The following PACS1 variants were observed in gnomAD, a reference collection of about 807,000 sequenced individuals.
PACS1 encodes the protein PACS-1.
A neutral mutation model predicts 115.0 loss-of-function variants in PACS1; 24 were observed. The ratio of observed to expected loss-of-function variants is 0.21; its 90% CI spans 0.15 to 0.29. The LOEUF is 0.29. PACS1 is among the 10% of genes least tolerant of loss of function. The pLI, the probability that PACS1 is intolerant of heterozygous loss-of-function variation, is 1.00. For synonymous variants in PACS1, 453 were observed against 504.5 expected (o/e 0.90, Z 1.37); for missense variants, 838 against 1,251.2 (o/e 0.67, Z 4.98).
chr11:66,100,952 C>G, intron 1 of PACS1: 1 of 455,922 alleles, frequency 2.2e-6, no homozygotes, highest in South Asian at 1.5e-5. Flanking sequence ...CTGTCCTCCT[C>G]CAGCGTGGAG....
At chr11:66,204,284 G>A (rs1230985351) in intron 2 of PACS1, among the ~76,000 whole-genome samples, 1 of 152,220 alleles carries the variant, frequency 6.6e-6, no homozygotes, top group Non-Finnish European at 1.5e-5. Flanking sequence ...ACAGGCATAT[G>A]AAAGGGTATG....
chr11:66,199,276 C>T (rs576999123), intron 2 of PACS1, among the ~76,000 whole-genome samples: 1 of 150,016 alleles, frequency 6.7e-6, no homozygotes, highest in East Asian at 2.0e-4. Flanking sequence ...GATCGCACCA[C>T]TGCACTCCAG....
chr11:66,187,198 A>AATTTTTATTTAATTTATTTT (rs1350539460), intron 1 of PACS1, among the ~76,000 whole-genome samples: 1 of 152,128 alleles, frequency 6.6e-6, no homozygotes, highest in Non-Finnish European at 1.5e-5. Flanking sequence ...TTAATTTTAA[A>AATTTTTATTTAATTTATTTT]ATTGACCGAT....
chr11:66,073,166 CAT>C (rs991527900), intron 1 of PACS1, among the ~76,000 whole-genome samples: 4 of 152,346 alleles, frequency 2.6e-5, no homozygotes, highest in Non-Finnish European at 5.9e-5. Flanking sequence ...TTGTGGAACA[CAT>C]GTGCTCTTTG....
At chr11:66,221,563 T>G in intron 10 of PACS1, 1 of 242,404 alleles carries the variant, frequency 4.1e-6, no homozygotes, top group Non-Finnish European at 8.1e-6. Flanking sequence ...GGAGAATCAC[T>G]TGAAGCCGGG....
intron 1 of PACS1, among the ~76,000 whole-genome samples, chr11:66,108,628 G>A (rs1324749986): frequency 2.6e-5 from 4 of 152,100 alleles, no homozygotes; most frequent in Non-Finnish European, 5.9e-5. Flanking sequence ...AACCAGACAG[G>A]GTGGTATGTA....
At chr11:66,107,407 G>A (rs1858074757) in intron 1 of PACS1, among the ~76,000 whole-genome samples, 1 of 152,046 alleles carries the variant, frequency 6.6e-6, no homozygotes, top group Admixed American at 6.6e-5. Context: ...CTTGTCAACT[G>A]CTAACACACT....
chr11:66,143,501 G>A lies in PACS1; in HGVS notation c.357-49985G>A, dbSNP rs371247648. 3.3e-5 allele frequency among the ~76,000 whole-genome samples: 5 copies of A among 152,250 alleles called. No individual in the cohort carries two copies. The South Asian group carries it at 6.2e-4, about 19-fold the overall frequency. ...CTGAGTCCTTGTTAGTATTGTTACCGCACTTCCCATTCGCATCTGCCTGTC... is the reference window on the plus strand; with the variant it reads ...CTGAGTCCTTGTTAGTATTGTTACCACACTTCCCATTCGCATCTGCCTGTC... On this transcript the variant is annotated intron_variant, in intron 1 of 23. Transcript: ENST00000320580.
chr11:66,185,506 C>T (rs1590804328), intron 1 of PACS1, among the ~76,000 whole-genome samples: 5 of 152,302 alleles, frequency 3.3e-5, no homozygotes, highest in Admixed American at 3.3e-4. Flanking sequence ...TTTGAAATCC[C>T]TTTAAGTAGG....
intron 1 of PACS1, among the ~76,000 whole-genome samples, chr11:66,104,397 A>G (rs1341340806): frequency 6.6e-6 from 1 of 152,228 alleles, no homozygotes; most frequent in Non-Finnish European, 1.5e-5. Flanking sequence ...TTGACAAACC[A>G]TGGTTTGTAG....
chr11:66,217,465 T>C (rs751176238), intron 7 of PACS1: 1 of 437,450 alleles, frequency 2.3e-6, no homozygotes, highest in Non-Finnish European at 4.7e-6. Flanking sequence ...GAAGGGGAAT[T>C]CACAGCTCCA....
rs1183196719 is a variant in PACS1, at chr11:66,243,273, C to T, written c.2885C>T (p.Ala962Val). ...FPVGLFSGSK[A>V]T is the part of the protein sequence containing the mutation. ...GTGGGACTCTTCAGTGGCAGCAAGG[C>T]CACCTGAGGCCCTGTCTCCCAGCCA... Residue 962 changes from alanine to valine, a missense_variant, in exon 24 of 24, where the codon GCC becomes GTC. Coordinates refer to ENST00000320580, the MANE Select transcript of PACS1 (RefSeq NM_018026.4). The T allele has an allele frequency of 6.3e-7, 1 of 1,582,306 alleles. No individual in the cohort carries two copies. Among genetic ancestry groups the T allele is most frequent in the East Asian group, 2.3e-5 (1 of 42,938 alleles).
chr11:66,211,041 G>C (rs980585079), intron 3 of PACS1, 93 bp from the exon 4 acceptor site: 36 of 1,423,856 alleles, frequency 2.5e-5, no homozygotes, highest in Non-Finnish European at 3.4e-5. Flanking sequence ...GAGACAGGAA[G>C]AATTGAAGCA....
At chr11:66,114,303 A>G (rs1421165847) in intron 1 of PACS1, among the ~76,000 whole-genome samples, 1 of 152,018 alleles carries the variant, frequency 6.6e-6, no homozygotes, top group Admixed American at 6.6e-5. Flanking sequence ...CTATAGTCAC[A>G]GCTACTCGGG....
chr11:66,118,849 C>T (rs1183683994), intron 1 of PACS1, among the ~76,000 whole-genome samples: 2 of 151,998 alleles, frequency 1.3e-5, no homozygotes, highest in African/African-American at 4.8e-5. Flanking sequence ...TCCTTCTCTC[C>T]CTTCCCAAAT....
Position 66,236,979 on chromosome 11 carries a change from C to T in PACS1, c.2250+1039C>T, listed in dbSNP as rs1185771148. 1.3e-4 allele frequency among the ~76,000 whole-genome samples: 20 copies of T among 152,114 alleles called. No homozygotes were observed. The highest frequency in any genetic ancestry group is 2.1e-4 in the South Asian group (1 of 4,836). Reference sequence around the variant, plus strand: ...CTGTTGCCAGGCGGGAGTGCAGTGGCGCGATCTCGACTCACTGCAACCTCC... The same window carrying T: ...CTGTTGCCAGGCGGGAGTGCAGTGGTGCGATCTCGACTCACTGCAACCTCC... On this transcript the variant is annotated intron_variant, in intron 19 of 23. Coordinates refer to ENST00000320580, the MANE Select transcript of PACS1 (RefSeq NM_018026.4). The surrounding 1 kb of genome is among the most constrained non-coding windows in gnomAD (Gnocchi z 4.2).
intron 2 of PACS1, among the ~76,000 whole-genome samples, chr11:66,200,225 C>A (rs1343716776): frequency 6.6e-6 from 1 of 151,942 alleles, no homozygotes; most frequent in Non-Finnish European, 1.5e-5. Flanking sequence ...GTGGTGTGCA[C>A]CTGTAGAGTC....
intron 11 of PACS1, 185 bp from the exon 12 acceptor site, chr11:66,230,363 G>A: frequency 5.0e-6 from 3 of 595,262 alleles, no homozygotes; most frequent in Non-Finnish European, 9.0e-6. Context: ...GGTGTACTCA[G>A]TCACCCGTGA....
intron 1 of PACS1, among the ~76,000 whole-genome samples, chr11:66,174,221 G>A (rs1203750): frequency 0.99 from 150,196 of 152,330 alleles, 74,071 homozygotes; most frequent in Middle Eastern, 1. Context: ...TCAAAAAACC[G>A]TAATAAGATA....
Sources: allele counts gnomAD v4.1 joint callset (sites outside exome capture counted in the v4.1 genomes callset), GRCh38; gene constraint gnomAD v4.1.1; non-coding constraint Gnocchi (gnomAD v3.1); transcripts MANE v1.5; gene names NCBI Gene and HGNC (gene_info 2026-07-23, HGNC 2026-07-21).